The following SFSWAP variants were observed in gnomAD, a reference collection of about 807,000 sequenced individuals.
SFSWAP encodes splicing factor, suppressor of white-apricot homolog.
SFSWAP carries 17 observed loss-of-function variants against 100.7 expected under a neutral mutation model. That is an observed-to-expected ratio of 0.17 (90% CI 0.12 to 0.25). SFSWAP has a LOEUF of 0.25. SFSWAP is among the 10% of genes least tolerant of loss of function. SFSWAP has a pLI of 1.00. For synonymous variants in SFSWAP, 504 were observed against 510.1 expected (o/e 0.99, Z 0.16); for missense variants, 1,005 against 1,262.6 (o/e 0.80, Z 3.09).
In SFSWAP at chr12:131,711,473, T is replaced by C. The variant is rs377178847; in HGVS notation, c.218+26T>C. The C allele has an allele frequency of 6.4e-5, 100 of 1,567,496 alleles. No homozygotes were observed. In the African/African-American group the frequency reaches 1.3e-3, roughly 20 times the overall value. ...GTCGGTTCCTCTCCCCACCCGTCGA[T>C]CCTTCCCTTCCCTCACCCGCTTGAT... On this transcript the variant is annotated intron_variant, in intron 1 of 17. Transcript: ENST00000261674. The surrounding 1 kb of genome is among the most constrained non-coding windows in gnomAD (Gnocchi z 4.9).
In SFSWAP at chr12:131,714,382, C is replaced by T; in HGVS notation, c.388+142C>T. On this transcript the variant is annotated intron_variant, in intron 2 of 17. Transcript: ENST00000261674. The surrounding 1 kb of genome is among the most constrained non-coding windows in gnomAD (Gnocchi z 6.0). Reference sequence around the variant, plus strand: ...CCCAGTGGATTGGAAAAACAGGAGTCTTTGCGTTCTGAGAGGACCTCAGGA... The same window carrying T: ...CCCAGTGGATTGGAAAAACAGGAGTTTTTGCGTTCTGAGAGGACCTCAGGA... 1 of 691,954 alleles carries T rather than the reference C, an allele frequency of 1.4e-6. No homozygotes were observed. The highest frequency in any genetic ancestry group is 2.7e-5 in the East Asian group (1 of 36,478). The allele number at this position is 691,954 out of a possible 1,614,324, so 42.9% of individuals were successfully genotyped here.
At chr12:131,781,439 G>T (rs1245952578) in intron 14 of SFSWAP, among the ~76,000 whole-genome samples, 1 of 151,312 alleles carries the variant, frequency 6.6e-6, no homozygotes, top group Non-Finnish European at 1.5e-5. Flanking sequence ...GGGTTTCACC[G>T]TGTTAGCCAG....
At chr12:131,763,280 G>A (rs891072534) in intron 11 of SFSWAP, among the ~76,000 whole-genome samples, 7 of 152,256 alleles carry the variant, frequency 4.6e-5, no homozygotes, top group African/African-American at 1.4e-4. Context: ...TTCCAGAAGC[G>A]GCCTTGTTTA....
intron 13 of SFSWAP, among the ~76,000 whole-genome samples, chr12:131,776,952 A>G (rs1211383204): frequency 6.6e-6 from 1 of 152,182 alleles, no homozygotes; most frequent in Non-Finnish European, 1.5e-5. Flanking sequence ...CATGCATTGA[A>G]GATTCATATG....
rs376432322 is a variant in SFSWAP, at chr12:131,714,994, C to T, written c.520+41C>T. 13 of 1,608,434 alleles carry T rather than the reference C, an allele frequency of 8.1e-6. No individual in the cohort carries two copies. The highest frequency in any genetic ancestry group is 6.7e-5 in the East Asian group (3 of 44,780). ...CCTGGACTGCTGGTGTAGGGCTACACGTGTACGCACAGGCTGCATGCACCG... is the reference window on the plus strand; with the variant it reads ...CCTGGACTGCTGGTGTAGGGCTACATGTGTACGCACAGGCTGCATGCACCG... On this transcript the variant is annotated intron_variant, in intron 3 of 17. Transcript: ENST00000261674. The surrounding 1 kb of genome is among the most constrained non-coding windows in gnomAD (Gnocchi z 6.0).
At chr12:131,735,114 G>A (rs1309704713) in intron 7 of SFSWAP, among the ~76,000 whole-genome samples, 2 of 152,230 alleles carry the variant, frequency 1.3e-5, no homozygotes, top group Non-Finnish European at 2.9e-5. Context: ...GCTGAAAGCA[G>A]TGACAAGTAT....
At chr12:131,735,990 C>T (rs1879980109) in intron 7 of SFSWAP, among the ~76,000 whole-genome samples, 1 of 152,060 alleles carries the variant, frequency 6.6e-6, no homozygotes, top group African/African-American at 2.4e-5. Context: ...GCAAAAAGGC[C>T]CAGGCTTCTG....
Position 131,714,870 on chromosome 12 carries a change from A to G in SFSWAP, c.437A>G (p.Tyr146Cys). ...LSEALAEDGS[Y>C]NAVGFTYGSD... is the part of the protein sequence containing the mutation. ...GAAGCACTAGCAGAGGATGGGAGCT[A>G]CAATGCCGTGGGGTTCACTTACGGT... The change falls in exon 3 of 18, where the codon TAC becomes TGC. Residue 146 changes from tyrosine to cysteine, a missense_variant. By Grantham distance (194) the Tyr-to-Cys change is radical (BLOSUM62 -2). Transcript: ENST00000261674. The surrounding 1 kb of genome is among the most constrained non-coding windows in gnomAD (Gnocchi z 6.0). 3 of 1,614,166 alleles carry G rather than the reference A, an allele frequency of 1.9e-6. No homozygotes were observed. The highest frequency in any genetic ancestry group is 1.1e-5 in the South Asian group (1 of 91,086).
chr12:131,726,175 TAC>T (rs143339026), intron 5 of SFSWAP, among the ~76,000 whole-genome samples: 21 of 151,226 alleles, frequency 1.4e-4, no homozygotes, highest in Admixed American at 9.2e-4. Context: ...TGTATATATA[TAC>T]ACACACACAC....
chr12:131,787,838 C>T (rs139896377), intron 15 of SFSWAP, among the ~76,000 whole-genome samples: 240 of 152,316 alleles, frequency 1.6e-3, no homozygotes, highest in Non-Finnish European at 2.9e-3. Context: ...CCTAGTACCA[C>T]GGTTCCCTCC....
intron 7 of SFSWAP, 144 bp downstream of exon 7, chr12:131,728,572 G>A (rs1879210261): frequency 2.3e-6 from 2 of 862,862 alleles, no homozygotes; most frequent in Non-Finnish European, 3.5e-6. Context: ...TGGTCCCAAG[G>A]GAGAGTGCCA....
intron 8 of SFSWAP, 63 bp from the exon 9 acceptor site, chr12:131,754,305 C>A (rs1047650440): frequency 9.5e-6 from 13 of 1,366,018 alleles, no homozygotes; most frequent in African/African-American, 1.5e-5. Flanking sequence ...GACCCCCGAG[C>A]AGCCAGGACT....
chr12:131,723,669 C>G (rs938666589), intron 4 of SFSWAP, among the ~76,000 whole-genome samples: 1 of 152,162 alleles, frequency 6.6e-6, no homozygotes, highest in Non-Finnish European at 1.5e-5. Context: ...TCCTGGTCCC[C>G]CGATGGGTCT....
intron 6 of SFSWAP, among the ~76,000 whole-genome samples, chr12:131,728,057 G>A (rs550046357): frequency 5.9e-5 from 9 of 152,308 alleles, no homozygotes; most frequent in South Asian, 4.1e-4. Context: ...TTAGTTGTTC[G>A]TCTGTCCTTT....
chr12:131,799,572 G>A lies in SFSWAP; in HGVS notation c.*84G>A. On this transcript the variant is annotated 3_prime_UTR_variant, in exon 18 of 18. Transcript: ENST00000261674. ...AGACGCCGGCCACACCATCCACCTG[G>A]CCGCCTCCATGGACCCTTGGTGGCT... is the stretch of plus-strand genomic sequence containing the variant. 1.7e-6 allele frequency: 2 copies of A among 1,148,072 alleles called. No individual in the cohort carries two copies. The highest frequency in any genetic ancestry group is 1.3e-6 in the Non-Finnish European group (1 of 789,974). The allele number at this position is 1,148,072 out of a possible 1,614,324, so 71.1% of individuals were successfully genotyped here. A position where few individuals can be genotyped will look rare whatever the true frequency, so the allele number is the denominator to read the frequency against.
In SFSWAP at chr12:131,799,613, T is replaced by C. The variant is rs1408524632; in HGVS notation, c.*125T>C. 1.5e-6 allele frequency: 1 copy of C among 689,052 alleles called. No homozygotes were observed. Among genetic ancestry groups the C allele is most frequent in the Non-Finnish European group, 2.5e-6 (1 of 403,184 alleles). The allele number at this position is 689,052 out of a possible 1,614,324, so 42.7% of individuals were successfully genotyped here. ...CTTGGTGGCTTTTGTAAATTAATTTTTGATGACATTTTGAGTTTTAAGATT... is the reference window on the plus strand; with the variant it reads ...CTTGGTGGCTTTTGTAAATTAATTTCTGATGACATTTTGAGTTTTAAGATT... On this transcript the variant is annotated 3_prime_UTR_variant, in exon 18 of 18. Coordinates refer to ENST00000261674, the MANE Select transcript of SFSWAP (RefSeq NM_004592.4).
At chr12:131,772,671 A>G (rs538672507) in intron 13 of SFSWAP, among the ~76,000 whole-genome samples, 20 of 152,296 alleles carry the variant, frequency 1.3e-4, no homozygotes, top group East Asian at 3.9e-4. Flanking sequence ...TAGCTCTGCC[A>G]TCTGGGAGTG....
intron 11 of SFSWAP, 86 bp from the exon 12 acceptor site, chr12:131,764,370 C>A: frequency 1.9e-6 from 2 of 1,047,998 alleles, no homozygotes; most frequent in Non-Finnish European, 2.9e-6. Context: ...ATCCCCTTCC[C>A]AGCAGCCGAT....
intron 14 of SFSWAP, chr12:131,784,619 C>T (rs1884760733): frequency 6.5e-6 from 1 of 152,700 alleles, no homozygotes; most frequent in African/African-American, 2.4e-5. Context: ...CCCCTGGTCA[C>T]ATTATACGGA....
Sources: gnomAD v4.1 joint callset for allele counts (sites outside exome capture counted in the v4.1 genomes callset) on GRCh38, gnomAD v4.1.1 for gene constraint, Gnocchi (gnomAD v3.1) non-coding constraint, MANE v1.5 for transcripts, NCBI Gene and HGNC (gene_info 2026-07-23, HGNC 2026-07-21) for gene names.